FAM117B: variants seen among roughly 807,000 people sequenced by gnomAD.
The protein encoded by FAM117B is family with sequence similarity 117 member B, also known as protein FAM117B.
Under a neutral mutation model 52.8 loss-of-function variants are expected in FAM117B, and 22 were observed. That is an observed-to-expected ratio of 0.42 (90% CI 0.30 to 0.59). The LOEUF (loss-of-function observed/expected upper bound fraction) is 0.59. Ranked by LOEUF, FAM117B falls within the 20% of genes least tolerant of loss-of-function variation. The pLI, the probability that FAM117B is intolerant of heterozygous loss-of-function variation, is 0.22. For synonymous variants in FAM117B, 309 were observed against 324.1 expected (o/e 0.95, Z 0.50); for missense variants, 678 against 802.6 (o/e 0.84, Z 1.88).
chr2:202,769,104 A>G lies in FAM117B; in HGVS notation c.*3340A>G, dbSNP rs1274001250. 4 of 152,160 alleles carry G rather than the reference A, an allele frequency of 2.6e-5. No individual in the cohort carries two copies. Among genetic ancestry groups the G allele is most frequent in the Non-Finnish European group, 5.9e-5 (4 of 68,030 alleles). 9.4% of individuals were successfully genotyped at this position (152,160 alleles called of 1,614,324 possible). A position where few individuals can be genotyped will look rare whatever the true frequency, so the allele number is the denominator to read the frequency against. ...TTGTTTTATATTTCTTATACTTAAT[A>G]CTTATGACTACAGTCCAAATCAGTC... On this transcript the variant is annotated 3_prime_UTR_variant, in exon 8 of 8. Transcript: ENST00000392238.
At chr2:202,637,241 GTATT>G (rs895859943) in intron 1 of FAM117B, among the ~76,000 whole-genome samples, 10 of 151,154 alleles carry the variant, frequency 6.6e-5, no homozygotes, top group African/African-American at 2.4e-4. Flanking sequence ...TTTTATTTAT[GTATT>G]TATTTTTATT....
intron 1 of FAM117B, among the ~76,000 whole-genome samples, chr2:202,641,376 G>A (rs946863686): frequency 6.6e-6 from 1 of 152,126 alleles, no homozygotes; most frequent in Non-Finnish European, 1.5e-5. Context: ...AGAAGGGAGA[G>A]ACGTAAGTTT....
chr2:202,682,409 C>T (rs1690475786), intron 1 of FAM117B, among the ~76,000 whole-genome samples: 1 of 152,182 alleles, frequency 6.6e-6, no homozygotes, highest in Admixed American at 6.5e-5. Flanking sequence ...TTTGCTCTTG[C>T]TGACACCCAA....
intron 4 of FAM117B, among the ~76,000 whole-genome samples, chr2:202,728,889 G>A (rs1485838925): frequency 1.3e-5 from 2 of 152,068 alleles, no homozygotes; most frequent in East Asian, 1.9e-4. Context: ...AGAAAATAGA[G>A]AAACTTGAAA....
Position 202,743,643 on chromosome 2 carries a change from C to T in FAM117B, c.961-11895C>T, listed in dbSNP as rs530735080. 3.9e-5 allele frequency among the ~76,000 whole-genome samples: 6 copies of T among 151,922 alleles called. No individual in the cohort carries two copies. The South Asian group carries it at 1.2e-3, about 32-fold the overall frequency. On this transcript the variant is annotated intron_variant, in intron 4 of 7. Transcript: ENST00000392238. ...AAAGAACACAAACAATACAAAGAAT[C>T]AGGAAAATAATTTATTTGAATGAGT...
intron 2 of FAM117B, among the ~76,000 whole-genome samples, chr2:202,719,523 A>G (rs1173647909): frequency 6.6e-6 from 1 of 152,196 alleles, no homozygotes; most frequent in African/African-American, 2.4e-5. Context: ...ATGTACAATT[A>G]TGTTATAATT....
intron 2 of FAM117B, among the ~76,000 whole-genome samples, chr2:202,719,777 C>T (rs138112302): frequency 6.2e-4 from 94 of 152,278 alleles, no homozygotes; most frequent in African/African-American, 2.1e-3. Context: ...ATTTACATGT[C>T]ATTTCTCTTC....
chr2:202,725,068 T>C (rs757577037), intron 3 of FAM117B, 59 bp downstream of exon 3: 1 of 1,326,964 alleles, frequency 7.5e-7, no homozygotes, highest in South Asian at 1.3e-5. Context: ...GTTGGCTATT[T>C]CCTTGATATT....
At chr2:202,647,245 C>T (rs1236147372) in intron 1 of FAM117B, among the ~76,000 whole-genome samples, 1 of 151,896 alleles carries the variant, frequency 6.6e-6, no homozygotes. Context: ...AAAAATATAG[C>T]TTAACACAAT....
intron 1 of FAM117B, among the ~76,000 whole-genome samples, chr2:202,678,866 A>T (rs768469486): frequency 2.0e-5 from 3 of 152,140 alleles, no homozygotes; most frequent in Non-Finnish European, 4.4e-5. Flanking sequence ...ACAAGGGTGG[A>T]CACAGTTTCT....
At chr2:202,653,171 G>A (rs12386154) in intron 1 of FAM117B, among the ~76,000 whole-genome samples, 13,657 of 152,038 alleles carry the variant, frequency 0.09, 2,070 homozygotes, top group African/African-American at 0.31. Flanking sequence ...AGGGGGCTGC[G>A]GTGGAAAGAT....
intron 1 of FAM117B, among the ~76,000 whole-genome samples, chr2:202,647,292 C>T (rs931009821): frequency 1.1e-4 from 17 of 152,080 alleles, no homozygotes; most frequent in African/African-American, 3.9e-4. Context: ...TTTTCTGTAA[C>T]AAGATCTGTG....
chr2:202,736,758 G>A (rs1342627125), intron 4 of FAM117B, among the ~76,000 whole-genome samples: 1 of 152,038 alleles, frequency 6.6e-6, no homozygotes, highest in Non-Finnish European at 1.5e-5. Flanking sequence ...GGGAGACCCT[G>A]CTTTAGTCCA....
At chr2:202,714,533 C>CTTTTTTTTTTTTT (rs1034689626) in intron 2 of FAM117B, among the ~76,000 whole-genome samples, 20 of 117,646 alleles carry the variant, frequency 1.7e-4, no homozygotes, top group South Asian at 2.6e-4. Context: ...TTTTTTTTTT[C>CTTTTTTTTTTTTT]TTTTTTTTTT....
At chr2:202,742,413 G>A (rs923678717) in intron 4 of FAM117B, among the ~76,000 whole-genome samples, 1 of 152,186 alleles carries the variant, frequency 6.6e-6, no homozygotes, top group Non-Finnish European at 1.5e-5. Flanking sequence ...GAAATTTACT[G>A]TATGGTAAAG....
chr2:202,678,980 C>A (rs904870816), intron 1 of FAM117B, among the ~76,000 whole-genome samples: 3 of 152,166 alleles, frequency 2.0e-5, no homozygotes, highest in Non-Finnish European at 4.4e-5. Context: ...GAAACAAAAA[C>A]TTCCCAAGGA....
intron 1 of FAM117B, among the ~76,000 whole-genome samples, chr2:202,636,783 A>G (rs988932194): frequency 6.6e-6 from 1 of 152,234 alleles, no homozygotes. Context: ...GAATTTCAGG[A>G]AACAAATTCA....
At chr2:202,678,664 A>G (rs1690414826) in intron 1 of FAM117B, among the ~76,000 whole-genome samples, 4 of 152,274 alleles carry the variant, frequency 2.6e-5, no homozygotes, top group South Asian at 2.1e-4. Flanking sequence ...GCTTCAAACA[A>G]TTCTGCCTCA....
Position 202,635,320 on chromosome 2 carries a change from C to G in FAM117B, c.133C>G (p.Gln45Glu), listed in dbSNP as rs772703800. The G allele has an allele frequency of 2.2e-6, 3 of 1,379,580 alleles. No individual in the cohort carries two copies. The South Asian group carries it at 4.7e-5, about 22-fold the overall frequency. 85.5% of individuals were successfully genotyped at this position (1,379,580 alleles called of 1,614,324 possible). ...MRATVPFQLK[Q>E]QQQQQHGSPT... ...GGCGACGGTTCCGTTCCAGCTGAAG[C>G]AGCAGCAGCAGCAGCAACATGGCAG... is the stretch of plus-strand genomic sequence containing the variant. Residue 45 changes from glutamine (Q) to glutamate (E), a missense_variant, in exon 1 of 8, where the codon CAG (glutamine) becomes GAG (glutamate). Coordinates refer to ENST00000392238, the MANE Select transcript of FAM117B (RefSeq NM_173511.4).
Sources: gnomAD v4.1 joint callset for allele counts (sites outside exome capture counted in the v4.1 genomes callset) on GRCh38, gnomAD v4.1.1 for gene constraint, MANE v1.5 for transcripts, NCBI Gene and HGNC (gene_info 2026-07-23, HGNC 2026-07-21) for gene names.